KCNU1: variants seen among roughly 807,000 people sequenced by gnomAD.
KCNU1 encodes the protein potassium calcium-activated channel subfamily U member 1, also known as potassium channel subfamily U member 1.
Under a neutral mutation model 126.8 loss-of-function variants are expected in KCNU1, and 93 were observed. The ratio of observed to expected loss-of-function variants is 0.73; its 90% CI spans 0.62 to 0.87. KCNU1 has a LOEUF of 0.87. Ranked by LOEUF, KCNU1 falls within the 40% of genes least tolerant of loss-of-function variation. The probability of loss-of-function intolerance (pLI) is 0.00; values close to 1 mark genes in which losing one functional copy is unlikely to be tolerated. For synonymous variants in KCNU1, 523 were observed against 494.2 expected (o/e 1.06, Z -0.77); for missense variants, 1,330 against 1,367.1 (o/e 0.97, Z 0.43).
At chr8:36,796,705 T>C (rs1321344583) in intron 2 of KCNU1, among the ~76,000 whole-genome samples, 2 of 152,250 alleles carry the variant, frequency 1.3e-5, no homozygotes, top group Non-Finnish European at 2.9e-5. Context: ...GTTTTCATTG[T>C]ATTCCTACTG....
chr8:36,784,705 G>A (rs1701481011), intron 1 of KCNU1, 100 bp downstream of exon 1: 2 of 963,364 alleles, frequency 2.1e-6, no homozygotes, highest in East Asian at 2.6e-5. Flanking sequence ...AGTTTTTCAA[G>A]CTAACAGAGT....
At chr8:36,815,046 G>T (rs1411285912) in intron 8 of KCNU1, among the ~76,000 whole-genome samples, 1 of 152,046 alleles carries the variant, frequency 6.6e-6, no homozygotes, top group Non-Finnish European at 1.5e-5. Context: ...GCGATAAAAA[G>T]AGGGCCAGGC....
At chr8:36,813,534 T>C (rs1277664406) in intron 7 of KCNU1, among the ~76,000 whole-genome samples, 1 of 150,508 alleles carries the variant, frequency 6.6e-6, no homozygotes, top group Non-Finnish European at 1.5e-5. Flanking sequence ...TTTACATATA[T>C]TTATAAAAAA....
At chr8:36,818,339 T>C (rs1803996746) in intron 10 of KCNU1, among the ~76,000 whole-genome samples, 1 of 151,834 alleles carries the variant, frequency 6.6e-6, no homozygotes, top group African/African-American at 2.4e-5. Flanking sequence ...TGTTGGCTTT[T>C]CTCTTTGAAA....
At chr8:36,819,375 G>C (rs957994714) in intron 10 of KCNU1, among the ~76,000 whole-genome samples, 1 of 152,062 alleles carries the variant, frequency 6.6e-6, no homozygotes, top group Non-Finnish European at 1.5e-5. Context: ...TTCTATCCTA[G>C]TAAATGAGAC....
chr8:36,865,557 G>A (rs1013596826), intron 19 of KCNU1, among the ~76,000 whole-genome samples: 1 of 150,784 alleles, frequency 6.6e-6, no homozygotes, highest in Non-Finnish European at 1.5e-5. Flanking sequence ...TTTGAGCCCA[G>A]GAGTTTAAGA....
chr8:36,889,403 C>T (rs1806864646), intron 19 of KCNU1: 3 of 352,994 alleles, frequency 8.5e-6, no homozygotes, highest in African/African-American at 2.2e-5. Context: ...ACAAATGAGA[C>T]TGATGTCATC....
intron 24 of KCNU1, chr8:36,923,067 T>C: frequency 2.2e-6 from 1 of 457,036 alleles, no homozygotes; most frequent in South Asian, 1.5e-5. Flanking sequence ...CAGAGCTAAG[T>C]CAAATCTCCC....
chr8:36,935,334 C>T (rs1199174310), intron 26 of KCNU1, among the ~76,000 whole-genome samples, 181 bp from the exon 27 acceptor site: 1 of 152,144 alleles, frequency 6.6e-6, no homozygotes, highest in African/African-American at 2.4e-5. Context: ...TCCTCTTGCA[C>T]TGTGCTACAG....
At position 36,921,641 on chromosome 8, in the gene KCNU1, C is replaced by G. The variant is rs1808349670; in HGVS notation, c.2597-849C>G. Among the ~76,000 whole-genome samples the G allele has an allele frequency of 3.6e-5, 5 of 139,340 alleles. No homozygotes were observed. The South Asian group carries it at 1.2e-3, about 33-fold the overall frequency. The allele number at this position is 139,340 out of a possible 152,430, so 91.4% of individuals were successfully genotyped here. ...TTGCAGTGACTGCACCACTGGGCAG[C>G]CTGGGCGATGAAGTGAGGAAAAAAA... On this transcript the variant is annotated intron_variant, in intron 23 of 26. Coordinates refer to ENST00000399881, the MANE Select transcript of KCNU1 (RefSeq NM_001031836.3).
At chr8:36,870,044 C>T (rs892630152) in intron 19 of KCNU1, among the ~76,000 whole-genome samples, 9 of 152,282 alleles carry the variant, frequency 5.9e-5, no homozygotes, top group African/African-American at 1.7e-4. Context: ...ATGTCCAAGT[C>T]GGCCTATAGC....
At chr8:36,847,464 C>T (rs543500533) in intron 18 of KCNU1, among the ~76,000 whole-genome samples, 1 of 152,270 alleles carries the variant, frequency 6.6e-6, no homozygotes, top group African/African-American at 2.4e-5. Flanking sequence ...CCAGCTGTAA[C>T]ATTGCATTCT....
rs1563345760 is a variant in KCNU1 at position 36,935,667 on chromosome 8, C to T, written c.3197C>T (p.Thr1066Ile). 6.2e-7 allele frequency: 1 copy of T among 1,613,444 alleles called. No homozygotes were observed. The highest frequency in any genetic ancestry group is 1.7e-4 in the Middle Eastern group (1 of 6,056). The change falls in exon 27 of 27, where the codon ACA becomes ATA. Residue 1066 changes from threonine to isoleucine, a missense_variant. Transcript: ENST00000399881. ...ATTGTAAATAAAGCATCACAGACAA[C>T]AGAGACACATTCAGACACAAATTGT... ...YEIVNKASQT[T>I]ETHSDTNCPP...
At chr8:36,922,707 G>T in intron 24 of KCNU1, 78 bp downstream of exon 24, 2 of 1,380,244 alleles carry the variant, frequency 1.4e-6, no homozygotes, top group Non-Finnish European at 2.0e-6. Context: ...AGGCTGAGTA[G>T]ATGATAACAC....
chr8:36,861,103 G>A (rs1805714295), intron 18 of KCNU1, among the ~76,000 whole-genome samples: 1 of 152,088 alleles, frequency 6.6e-6, no homozygotes, highest in Non-Finnish European at 1.5e-5. Context: ...GAAGTCCCCT[G>A]GTCTTAGGTT....
rs1366572147 is a variant in KCNU1 at position 36,787,289 on chromosome 8, C to A, written c.196-17C>A. 1.1e-5 allele frequency: 18 copies of A among 1,596,584 alleles called. No homozygotes were observed. Among genetic ancestry groups the A allele is most frequent in the Non-Finnish European group, 1.5e-5 (17 of 1,170,660 alleles). ...CAGATCCAGCTCACATTGTCAATTT[C>A]TTTCTCTTGATTGTAGGAACTGTTC... On this transcript the variant is annotated splice_polypyrimidine_tract_variant and intron_variant, in intron 1 of 26. Coordinates refer to ENST00000399881, the MANE Select transcript of KCNU1 (RefSeq NM_001031836.3).
At chr8:36,923,835 G>A (rs1808447562) in intron 24 of KCNU1, among the ~76,000 whole-genome samples, 1 of 152,144 alleles carries the variant, frequency 6.6e-6, no homozygotes, top group South Asian at 2.1e-4. Context: ...AGGAGAGGAG[G>A]TTGCTTACGA....
In KCNU1 at chr8:36,864,490, A is replaced by G. The variant is rs202071452; in HGVS notation, c.1978A>G (p.Ser660Gly). ...GGATTCTCCGCCAAGGGTATCTGCA[A>G]GCACTTCGAGCATATCAAACTTCAC... ...GQDSPPRVSA[S>G]TSSISNFTTR... Residue 660 changes from serine to glycine, a missense_variant, in exon 19 of 27, where the codon AGC becomes GGC. Coordinates refer to ENST00000399881, the MANE Select transcript of KCNU1 (RefSeq NM_001031836.3). The G allele has an allele frequency of 3.2e-4, 518 of 1,611,712 alleles. 1 individual carries two copies. Among genetic ancestry groups the G allele is most frequent in the Middle Eastern group, 9.9e-4 (6 of 6,056 alleles).
At chr8:36,908,457 G>A (rs1305388294) in intron 20 of KCNU1, among the ~76,000 whole-genome samples, 1 of 151,508 alleles carries the variant, frequency 6.6e-6, no homozygotes, top group Non-Finnish European at 1.5e-5. Context: ...GTGCCATGTT[G>A]GTGTGCTGCA....
Sources: allele counts gnomAD v4.1 joint callset (sites outside exome capture counted in the v4.1 genomes callset), GRCh38; gene constraint gnomAD v4.1.1; transcripts MANE v1.5; gene names NCBI Gene and HGNC (gene_info 2026-07-23, HGNC 2026-07-21).